The following ZSCAN23 variants were observed in gnomAD, a reference collection of about 807,000 sequenced individuals.
ZSCAN23 encodes the protein zinc finger and SCAN domain containing 23.
ZSCAN23 carries 19 observed loss-of-function variants against 19.3 expected under a neutral mutation model. The ratio of observed to expected loss-of-function variants is 0.99; its 90% CI spans 0.69 to 1.45. ZSCAN23 has a LOEUF of 1.45. Ranked by LOEUF, ZSCAN23 falls within the 40% of genes most tolerant of loss-of-function variation. The pLI is 0.00. For synonymous variants in ZSCAN23, 140 were observed against 166.2 expected (o/e 0.84, Z 1.21); for missense variants, 372 against 462.5 (o/e 0.80, Z 1.79).
rs17315648 is a variant in ZSCAN23, at chr6:28,434,483, T to C, written c.1152A>G (p.Pro384=). 0.063 allele frequency: 97,820 copies of C among 1,545,878 alleles called. 4,173 individuals carry two copies. Among genetic ancestry groups the C allele is most frequent in the South Asian group, 0.17 (14,019 of 82,918 alleles). ...CNLIQHRKVH[P]VAESS ...CAAGGAGCTAGCTTGATTCAGCCAC[T>C]GGGTGGACTTTCCGATGCTGGATTA... Residue 384 remains proline (P), a synonymous_variant, in exon 4 of 4, where the codon CCA becomes CCG. Coordinates refer to ENST00000289788, the MANE Select transcript of ZSCAN23 (RefSeq NM_001012455.2).
At chr6:28,432,364 C>T (rs1268097046), downstream of ZSCAN23, among the ~76,000 whole-genome samples, 1 of 152,082 alleles carries the variant, frequency 6.6e-6, no homozygotes, top group African/African-American at 2.4e-5. Context: ...AATTTAACCT[C>T]AAGACACAAT....
chr6:28,443,194 G>C (rs1384480711), intron 1 of ZSCAN23, among the ~76,000 whole-genome samples: 1 of 152,194 alleles, frequency 6.6e-6, no homozygotes, highest in Non-Finnish European at 1.5e-5. Context: ...GACATAGGGT[G>C]GGGGAAAGGG....
intron 1 of ZSCAN23, among the ~76,000 whole-genome samples, chr6:28,441,191 G>T (rs1761993240): frequency 6.6e-6 from 1 of 152,198 alleles, no homozygotes; most frequent in Non-Finnish European, 1.5e-5. Context: ...TAAGCAGCAT[G>T]TAATACAAAT....
chr6:28,434,575 T>C lies in ZSCAN23; in HGVS notation c.1060A>G (p.Ile354Val). 1 of 1,555,108 alleles carries C rather than the reference T, an allele frequency of 6.4e-7. No individual in the cohort carries two copies. The highest frequency in any genetic ancestry group is 8.7e-7 in the Non-Finnish European group (1 of 1,148,974). The change falls in exon 4 of 4, where the codon ATT (isoleucine) becomes GTT (valine). Residue 354 changes from isoleucine (I) to valine (V), a missense_variant. Transcript: ENST00000289788. ...TCATAAGGTCTCTCTCCAGTGTGAA[T>C]TCTCTGATGCTTAATGAGGACTGAA... ...RRSVLIKHQR[I>V]HTGERPYECE...
chr6:28,421,739 A>G, the ZSCAN23 span, among the ~76,000 whole-genome samples: 1 of 152,192 alleles, frequency 6.6e-6, no homozygotes, highest in African/African-American at 2.4e-5. Context: ...ACTCTACAGG[A>G]CAAACAACTT....
chr6:28,425,278 G>T, the ZSCAN23 span, among the ~76,000 whole-genome samples: 2 of 152,150 alleles, frequency 1.3e-5, no homozygotes, highest in African/African-American at 2.4e-5. Context: ...AGGCTTTGTT[G>T]TTCCATTTCT....
chr6:28,428,374 C>G (rs139283488), downstream of ZSCAN23, among the ~76,000 whole-genome samples: 26 of 152,288 alleles, frequency 1.7e-4, no homozygotes, highest in East Asian at 3.5e-3. Context: ...CCACACTTAC[C>G]TAATAATTTA....
rs1295507086 is a variant in ZSCAN23, at chr6:28,433,373, G to A, written c.*1092C>T. ...TCCTTTTCTCTTATCTGTCAAATAAGAGCAAGCAGAAGTGATCTCTAAGGT... is the reference window on the plus strand; with the variant it reads ...TCCTTTTCTCTTATCTGTCAAATAAAAGCAAGCAGAAGTGATCTCTAAGGT... On this transcript the variant is annotated 3_prime_UTR_variant, in exon 4 of 4. Transcript: ENST00000289788. The A allele has an allele frequency of 6.6e-6, 1 of 151,994 alleles. No individual in the cohort carries two copies. The highest frequency in any genetic ancestry group is 1.5e-5 in the Non-Finnish European group (1 of 67,964). The allele number at this position is 151,994 out of a possible 1,614,324, so 9.4% of individuals were successfully genotyped here.
rs575533316 is a variant in ZSCAN23, at chr6:28,440,577, C to A, written c.-78+2822G>T. ...ACTCTCACATTACTCAATAAACGTA[C>A]CATGGATTCAAAGGATGAAACAGCC... is the stretch of plus-strand genomic sequence containing the variant. On this transcript the variant is annotated intron_variant, in intron 1 of 3. Coordinates refer to ENST00000289788, the MANE Select transcript of ZSCAN23 (RefSeq NM_001012455.2). Among the ~76,000 whole-genome samples, 4 of 152,234 alleles carry A rather than the reference C, an allele frequency of 2.6e-5. No individual in the cohort carries two copies. The South Asian group carries it at 8.3e-4, about 32-fold the overall frequency.
chr6:28,442,067 G>A (rs1406830555), intron 1 of ZSCAN23, among the ~76,000 whole-genome samples: 1 of 151,764 alleles, frequency 6.6e-6, no homozygotes, highest in Non-Finnish European at 1.5e-5. Context: ...TAGTAGGATG[G>A]AGTTTCACCA....
chr6:28,439,209 C>T (rs894828719), intron 1 of ZSCAN23, among the ~76,000 whole-genome samples: 2 of 152,048 alleles, frequency 1.3e-5, no homozygotes, highest in Admixed American at 6.5e-5. Flanking sequence ...CCCTCAGCCT[C>T]CTGAGTAGCT....
In ZSCAN23 at chr6:28,434,292, T is replaced by A; in HGVS notation, c.*173A>T. ...CAACACAAGAGGCAACATTCAGTATTGCAAAGCTGTGGATGTCACTGATCA... is the reference window on the plus strand; with the variant it reads ...CAACACAAGAGGCAACATTCAGTATAGCAAAGCTGTGGATGTCACTGATCA... On this transcript the variant is annotated 3_prime_UTR_variant, in exon 4 of 4. Transcript: ENST00000289788. 1 of 687,866 alleles carries A rather than the reference T, an allele frequency of 1.5e-6. No homozygotes were observed. The highest frequency in any genetic ancestry group is 1.8e-5 in the African/African-American group (1 of 55,928). The allele number at this position is 687,866 out of a possible 1,614,324, so 42.6% of individuals were successfully genotyped here.
the ZSCAN23 span, among the ~76,000 whole-genome samples, chr6:28,423,589 G>A: frequency 6.6e-6 from 1 of 152,182 alleles, no homozygotes; most frequent in Non-Finnish European, 1.5e-5. Flanking sequence ...GGACCCTTGA[G>A]GCCCAAGTAA....
rs1347538209 is a variant in ZSCAN23, at chr6:28,434,974, T to G, written c.661A>C (p.Thr221Pro). ...QVLGKQNGNI[T>P]QIPEYGDTCD... Reference sequence around the variant, plus strand: ...GTATCTCCATACTCAGGAATCTGAGTAATATTACCATTCTGTTTTCCAAGA... The same window carrying G: ...GTATCTCCATACTCAGGAATCTGAGGAATATTACCATTCTGTTTTCCAAGA... Residue 221 changes from threonine (T) to proline (P), a missense_variant, in exon 4 of 4, where the codon ACT (threonine) becomes CCT (proline). Coordinates refer to ENST00000289788, the MANE Select transcript of ZSCAN23 (RefSeq NM_001012455.2). The G allele has an allele frequency of 6.4e-7, 1 of 1,551,770 alleles. No individual in the cohort carries two copies. Among genetic ancestry groups the G allele is most frequent in the Admixed American group, 2.0e-5 (1 of 51,012 alleles).
intron 1 of ZSCAN23, among the ~76,000 whole-genome samples, chr6:28,441,569 T>C (rs1242570504): frequency 6.6e-6 from 1 of 152,132 alleles, no homozygotes; most frequent in African/African-American, 2.4e-5. Flanking sequence ...TCATATGTCA[T>C]GTACTGTATG....
Position 28,436,310 on chromosome 6 carries a change from C to G in ZSCAN23, c.-44G>C. 2 of 1,445,680 alleles carry G rather than the reference C, an allele frequency of 1.4e-6. No homozygotes were observed. Among genetic ancestry groups the G allele is most frequent in the Non-Finnish European group, 1.8e-6 (2 of 1,094,836 alleles). 89.6% of individuals were successfully genotyped at this position (1,445,680 alleles called of 1,614,324 possible). On this transcript the variant is annotated 5_prime_UTR_variant, in exon 2 of 4. Transcript: ENST00000289788. ...GAAAAATAATCTATTCTTGATAATT[C>G]TCCCTTGATCTTTTCTTCTGGAAAC... is the stretch of plus-strand genomic sequence containing the variant.
chr6:28,443,215 C>G (rs1353974806), intron 1 of ZSCAN23, among the ~76,000 whole-genome samples, 184 bp downstream of exon 1: 3 of 152,190 alleles, frequency 2.0e-5, no homozygotes, highest in African/African-American at 7.2e-5. Flanking sequence ...GTAGGGGCAA[C>G]GACGCTGACT....
At position 28,436,252 on chromosome 6, in the gene ZSCAN23, C is replaced by G. The variant is rs1451366191; in HGVS notation, c.15G>C (p.Leu5Phe). The change falls in exon 2 of 4, where the codon TTG becomes TTC. Residue 5 changes from leucine (L) to phenylalanine (F), a missense_variant. Transcript: ENST00000289788. ...CCTGCATCTCTGCAGTCTGAAGGGT[C>G]AAGGTTATGGCCATCAAAGGTTTAA... is the stretch of plus-strand genomic sequence containing the variant. The part of the protein sequence containing the change: MAIT[L>F]TLQTAEMQEG... 5 of 1,548,766 alleles carry G rather than the reference C, an allele frequency of 3.2e-6. No homozygotes were observed. In the South Asian group the frequency reaches 4.8e-5, roughly 15 times the overall value.
intron 2 of ZSCAN23, 86 bp from the exon 3 acceptor site, chr6:28,435,693 A>T: frequency 6.9e-7 from 1 of 1,453,328 alleles, no homozygotes; most frequent in South Asian, 1.5e-5. Context: ...ATAGAAAAGA[A>T]GGACCAAGAA....
Sources: gnomAD v4.1 joint callset for allele counts (sites outside exome capture counted in the v4.1 genomes callset) on GRCh38, gnomAD v4.1.1 for gene constraint, MANE v1.5 for transcripts, NCBI Gene and HGNC (gene_info 2026-07-23, HGNC 2026-07-21) for gene names.